The following PDE10A variants were observed in gnomAD, a reference collection of about 807,000 sequenced individuals.
The protein encoded by PDE10A is phosphodiesterase 10A.
A neutral mutation model predicts 97.7 loss-of-function variants in PDE10A; 39 were observed. The ratio of observed to expected loss-of-function variants is 0.40; its 90% CI spans 0.31 to 0.52. The LOEUF is 0.52. Among genes scored for constraint, PDE10A ranks in the 20% least tolerant of loss-of-function variants. PDE10A has a pLI of 0.56. For synonymous variants in PDE10A, 371 were observed against 376.8 expected (o/e 0.98, Z 0.18); for missense variants, 731 against 1,047.8 (o/e 0.70, Z 4.17).
chr6:165,630,677 A>C (rs1051979844), intron 1 of PDE10A, among the ~76,000 whole-genome samples: 1 of 152,180 alleles, frequency 6.6e-6, no homozygotes, highest in African/African-American at 2.4e-5. Flanking sequence ...TTTGGAAAAG[A>C]AAAATATTTG....
At chr6:165,353,636 G>C (rs2128188000) in intron 18 of PDE10A, among the ~76,000 whole-genome samples, 1 of 152,304 alleles carries the variant, frequency 6.6e-6, no homozygotes, top group East Asian at 1.9e-4. Flanking sequence ...CAATTTGAAA[G>C]TCAACTACTC....
chr6:165,348,921 A>G (rs561304486), intron 18 of PDE10A, among the ~76,000 whole-genome samples: 1 of 152,296 alleles, frequency 6.6e-6, no homozygotes, highest in South Asian at 2.1e-4. Context: ...CCCGTCTGTC[A>G]TAACTGTAAG....
rs1328016208 is a variant in PDE10A at position 165,655,254 on chromosome 6, G to A, written c.865+6693C>T. On this transcript the variant is annotated intron_variant, in intron 1 of 21. Transcript: ENST00000539869. The surrounding 1 kb of genome is among the most constrained non-coding windows in gnomAD (Gnocchi z 4.5). ...TAGATGCTGTGACTGCAGTTTCTATGCTGCAGTCTTGAACGATCCTTTGGA... is the reference window on the plus strand; with the variant it reads ...TAGATGCTGTGACTGCAGTTTCTATACTGCAGTCTTGAACGATCCTTTGGA... Among the ~76,000 whole-genome samples the A allele has an allele frequency of 6.6e-6, 1 of 152,068 alleles. No individual in the cohort carries two copies. Among genetic ancestry groups the A allele is most frequent in the Non-Finnish European group, 1.5e-5 (1 of 68,008 alleles).
intron 1 of PDE10A, among the ~76,000 whole-genome samples, chr6:165,945,087 TGA>T (rs1339617823): frequency 6.6e-6 from 1 of 152,108 alleles, no homozygotes; most frequent in African/African-American, 2.4e-5. Flanking sequence ...CCAGAAGAAG[TGA>T]GAGTGTGTCA....
At chr6:165,760,403 TC>T (rs1413930883) in intron 1 of PDE10A, among the ~76,000 whole-genome samples, 3 of 152,158 alleles carry the variant, frequency 2.0e-5, no homozygotes, top group Non-Finnish European at 4.4e-5. Flanking sequence ...CTTTCTCAGT[TC>T]AGCTGCCATA....
At chr6:165,465,470 C>G (rs970202982) in intron 3 of PDE10A, among the ~76,000 whole-genome samples, 10 of 152,216 alleles carry the variant, frequency 6.6e-5, no homozygotes, top group African/African-American at 2.4e-4. Context: ...AAATGCTACA[C>G]AGAGCTGTTT....
At position 165,518,771 on chromosome 6, in the gene PDE10A, C is replaced by T. The variant is rs535757142; in HGVS notation, c.994+24669G>A. On this transcript the variant is annotated intron_variant, in intron 2 of 21. Coordinates refer to ENST00000539869, the MANE Select transcript of PDE10A (RefSeq NM_001385079.1). Reference sequence around the variant, plus strand: ...AAACCGTGAAGAAGGAAAAATAAATCTGTGCTGGTTTGCCATCCGACCTCA... The same window carrying T: ...AAACCGTGAAGAAGGAAAAATAAATTTGTGCTGGTTTGCCATCCGACCTCA... 1.8e-4 allele frequency among the ~76,000 whole-genome samples: 28 copies of T among 152,282 alleles called. No homozygotes were observed. In the South Asian group the frequency reaches 5.8e-3, roughly 32 times the overall value.
At chr6:165,523,510 CA>C (rs1166644360) in intron 2 of PDE10A, among the ~76,000 whole-genome samples, 1 of 152,024 alleles carries the variant, frequency 6.6e-6, no homozygotes, top group Non-Finnish European at 1.5e-5. Context: ...CAAAAGTAAG[CA>C]ATGGAGAAAG....
intron 1 of PDE10A, among the ~76,000 whole-genome samples, chr6:165,932,165 C>T (rs979514082): frequency 6.6e-6 from 1 of 152,228 alleles, no homozygotes; most frequent in African/African-American, 2.4e-5. Context: ...CCAGATCTTC[C>T]TGCCCTCTGT....
intron 1 of PDE10A, among the ~76,000 whole-genome samples, chr6:165,747,181 CTTT>C (rs1792862508): frequency 6.6e-6 from 1 of 152,134 alleles, no homozygotes; most frequent in Admixed American, 6.6e-5. Context: ...TCCTTATCAT[CTTT>C]TGTTTTAAAA....
chr6:165,946,510 A>G (rs1047279858), intron 1 of PDE10A, among the ~76,000 whole-genome samples: 7 of 150,398 alleles, frequency 4.7e-5, no homozygotes, highest in Admixed American at 6.6e-5. Flanking sequence ...AAAAAAAAAA[A>G]AAAGAAAAAG....
intron 1 of PDE10A, among the ~76,000 whole-genome samples, chr6:165,621,949 G>T (rs1190180132): frequency 1.3e-5 from 2 of 152,154 alleles, no homozygotes; most frequent in African/African-American, 4.8e-5. Flanking sequence ...AGATGGTGCT[G>T]TAAAGGTATT....
chr6:165,879,769 TTA>T (rs1214417440), intron 1 of PDE10A, among the ~76,000 whole-genome samples: 1 of 152,214 alleles, frequency 6.6e-6, no homozygotes, highest in Admixed American at 6.5e-5. Context: ...ACCGTTTTAT[TTA>T]TATGATTTTT....
At chr6:165,431,793 G>T (rs1789596745) in intron 7 of PDE10A, among the ~76,000 whole-genome samples, 1 of 151,630 alleles carries the variant, frequency 6.6e-6, no homozygotes, top group Non-Finnish European at 1.5e-5. Context: ...CTATTTAACT[G>T]ACTTTAATGT....
intron 1 of PDE10A, among the ~76,000 whole-genome samples, chr6:165,902,180 C>T (rs1054697256): frequency 1.3e-5 from 2 of 152,192 alleles, no homozygotes; most frequent in East Asian, 3.8e-4. Context: ...ATGGTCTTCT[C>T]GGAATCTTTG....
At chr6:165,545,795 T>C (rs9347080) in intron 1 of PDE10A, among the ~76,000 whole-genome samples, 15,250 of 152,032 alleles carry the variant, frequency 0.1, 1,060 homozygotes, top group East Asian at 0.31. Flanking sequence ...GCAACAAAAA[T>C]TATCATTTAA....
intron 1 of PDE10A, among the ~76,000 whole-genome samples, chr6:165,710,360 G>A (rs1791864091): frequency 1.3e-5 from 2 of 152,168 alleles, no homozygotes; most frequent in Admixed American, 6.5e-5. Flanking sequence ...CACCCCTTGC[G>A]TAGCGCTCTC....
chr6:165,871,945 T>C (rs1781215059), intron 1 of PDE10A, among the ~76,000 whole-genome samples: 1 of 152,224 alleles, frequency 6.6e-6, no homozygotes, highest in South Asian at 2.1e-4. Flanking sequence ...ACTGACTCAG[T>C]GAAGCTTTTC....
At chr6:165,863,445 A>G (rs1042107412) in intron 1 of PDE10A, among the ~76,000 whole-genome samples, 5 of 152,210 alleles carry the variant, frequency 3.3e-5, no homozygotes, top group Non-Finnish European at 4.4e-5. Flanking sequence ...CTGACAATAT[A>G]AACTAGATAA....
Sources: allele counts gnomAD v4.1 joint callset (sites outside exome capture counted in the v4.1 genomes callset), GRCh38; gene constraint gnomAD v4.1.1; non-coding constraint Gnocchi (gnomAD v3.1); transcripts MANE v1.5; gene names NCBI Gene and HGNC (gene_info 2026-07-23, HGNC 2026-07-21).